RBFOX1: variants seen among roughly 807,000 people sequenced by gnomAD.
RBFOX1 encodes the protein RNA binding protein fox-1 homolog 1.
Under a neutral mutation model 57.7 loss-of-function variants are expected in RBFOX1, and 8 were observed. The observed-to-expected ratio is 0.14, with a 90% CI of 0.08 to 0.25. The LOEUF is 0.25. Among genes scored for constraint, RBFOX1 ranks in the 10% least tolerant of loss-of-function variants. The pLI is 1.00. For missense variants in RBFOX1, 611 were observed against 548.5 expected, an observed-to-expected ratio of 1.11 and a Z score of -1.14; for synonymous variants, 326 against 222.4, an observed-to-expected ratio of 1.47 and a Z score of -4.15.
intron 4 of RBFOX1, among the ~76,000 whole-genome samples, chr16:7,410,479 C>T (rs146449764): frequency 1.3e-5 from 2 of 152,062 alleles, no homozygotes; most frequent in Non-Finnish European, 2.9e-5. Context: ...GTTGGGAGTT[C>T]GAGACCAGCC....
chr16:7,427,238 C>A (rs1039983154), intron 4 of RBFOX1, among the ~76,000 whole-genome samples: 1 of 152,092 alleles, frequency 6.6e-6, no homozygotes, highest in Admixed American at 6.5e-5. Context: ...ATGTTGTGCA[C>A]ATGTACCCTA....
intron 4 of RBFOX1, among the ~76,000 whole-genome samples, chr16:7,440,149 G>A (rs2098755297): frequency 6.6e-6 from 1 of 151,900 alleles, no homozygotes; most frequent in Non-Finnish European, 1.5e-5. Context: ...GCCTGCCTCA[G>A]CCTCCCAAAC....
intron 4 of RBFOX1, among the ~76,000 whole-genome samples, chr16:7,058,770 C>T (rs1043938334): frequency 3.9e-5 from 6 of 151,948 alleles, no homozygotes; most frequent in African/African-American, 9.6e-5. Context: ...TTTCATTTAC[C>T]GTGGCAATAC....
At chr16:7,532,844 A>G (rs999664030) in intron 5 of RBFOX1, among the ~76,000 whole-genome samples, 5 of 152,210 alleles carry the variant, frequency 3.3e-5, no homozygotes, top group Admixed American at 2.0e-4. Context: ...AATTATGCTT[A>G]TTGTTTGACC....
chr16:5,712,395 G>A (rs138350221), intron 3 of RBFOX1, among the ~76,000 whole-genome samples: 2 of 152,214 alleles, frequency 1.3e-5, no homozygotes, highest in African/African-American at 2.4e-5. Context: ...TTCAGCAGCT[G>A]GTTGGCATTA....
At chr16:7,584,831 T>G (rs1365808072) in intron 6 of RBFOX1, among the ~76,000 whole-genome samples, 1 of 152,204 alleles carries the variant, frequency 6.6e-6, no homozygotes, top group Admixed American at 6.5e-5. Context: ...ACATCAGCAT[T>G]CTTCTTTGGG....
chr16:7,267,800 G>GT (rs2095207607), intron 4 of RBFOX1, among the ~76,000 whole-genome samples: 2 of 152,072 alleles, frequency 1.3e-5, no homozygotes, highest in African/African-American at 2.4e-5. Context: ...AGGCTGCAGT[G>GT]ACCTGAGATT....
intron 10 of RBFOX1, among the ~76,000 whole-genome samples, chr16:7,611,680 G>C (rs2057497118): frequency 6.6e-6 from 1 of 152,150 alleles, no homozygotes; most frequent in African/African-American, 2.4e-5. Context: ...GGCGAGGCAG[G>C]AAGAGCCATT....
At chr16:5,474,981 C>T (rs1197746773) in intron 2 of RBFOX1, among the ~76,000 whole-genome samples, 1 of 152,172 alleles carries the variant, frequency 6.6e-6, no homozygotes, top group Non-Finnish European at 1.5e-5. Flanking sequence ...CTGAAACCAG[C>T]ATTATTCTCC....
At chr16:7,172,657 G>C (rs1354349817) in intron 4 of RBFOX1, among the ~76,000 whole-genome samples, 1 of 152,164 alleles carries the variant, frequency 6.6e-6, no homozygotes, top group Non-Finnish European at 1.5e-5. Flanking sequence ...CCAAGTTGTA[G>C]CAACAGAGGC....
At chr16:6,979,305 C>G (rs906449023) in intron 3 of RBFOX1, among the ~76,000 whole-genome samples, 2 of 152,108 alleles carry the variant, frequency 1.3e-5, no homozygotes, top group Middle Eastern at 6.3e-3. Context: ...ATTAAACACG[C>G]AGGATATAAT....
At chr16:7,171,330 A>G (rs2080658268) in intron 4 of RBFOX1, among the ~76,000 whole-genome samples, 2 of 152,154 alleles carry the variant, frequency 1.3e-5, no homozygotes, top group Non-Finnish European at 2.9e-5. Flanking sequence ...ATTTGCTGTG[A>G]GGGTTCAGTG....
At chr16:6,976,391 T>G (rs1280029753) in intron 3 of RBFOX1, among the ~76,000 whole-genome samples, 1 of 152,130 alleles carries the variant, frequency 6.6e-6, no homozygotes, top group Non-Finnish European at 1.5e-5. Context: ...AAATATCATT[T>G]TCAGAATCCA....
chr16:5,602,341 GT>G (rs538318895), downstream of RBFOX1, among the ~76,000 whole-genome samples: 354 of 152,338 alleles, frequency 2.3e-3, 1 homozygote, highest in Non-Finnish European at 4.2e-3. Context: ...TGTGAGATGT[GT>G]TTGTATATTT....
At chr16:5,352,267 C>G (rs1162580231) in intron 1 of RBFOX1, among the ~76,000 whole-genome samples, 1 of 152,168 alleles carries the variant, frequency 6.6e-6, no homozygotes, top group Non-Finnish European at 1.5e-5. Context: ...GCTATGAACT[C>G]TTGTCCCCCA....
At chr16:7,050,725 A>G (rs1443984100) in intron 3 of RBFOX1, among the ~76,000 whole-genome samples, 1 of 152,206 alleles carries the variant, frequency 6.6e-6, no homozygotes, top group Non-Finnish European at 1.5e-5. Context: ...TAAATGGTAC[A>G]TGTTATGCCA....
intron 2 of RBFOX1, among the ~76,000 whole-genome samples, chr16:6,322,393 A>T (rs1202451633): frequency 6.6e-6 from 1 of 152,118 alleles, no homozygotes; most frequent in Non-Finnish European, 1.5e-5. Flanking sequence ...ATATCTAAAC[A>T]TGTTTATTTC....
chr16:6,560,305 A>C (rs192446245), intron 2 of RBFOX1, among the ~76,000 whole-genome samples: 39 of 150,192 alleles, frequency 2.6e-4, no homozygotes, highest in African/African-American at 8.0e-4. Context: ...GAAAAAAGAA[A>C]ACCAAAACAG....
intron 1 of RBFOX1, chr16:6,037,668 C>G (rs2095384103): frequency 6.6e-6 from 1 of 152,094 alleles, no homozygotes; most frequent in Non-Finnish European, 1.5e-5. Context: ...AATCTCGGCT[C>G]ACTGCAACCT....
Sources: gnomAD v4.1 joint callset for allele counts (sites outside exome capture counted in the v4.1 genomes callset) on GRCh38, gnomAD v4.1.1 for gene constraint, MANE v1.5 for transcripts, NCBI Gene and HGNC (gene_info 2026-07-23, HGNC 2026-07-21) for gene names.